The following PLXNA4 variants were observed in gnomAD, a reference collection of about 807,000 sequenced individuals.
PLXNA4 encodes the protein plexin-A4.
A neutral mutation model predicts 191.8 loss-of-function variants in PLXNA4; 44 were observed. That is an observed-to-expected ratio of 0.23 (90% CI 0.18 to 0.29). PLXNA4 has a LOEUF of 0.29. PLXNA4 is among the 10% of genes least tolerant of loss of function. The pLI, the probability that PLXNA4 is intolerant of heterozygous loss-of-function variation, is 1.00. For missense variants in PLXNA4, 1,800 were observed against 2,488.8 expected, an observed-to-expected ratio of 0.72 and a Z score of 5.89; for synonymous variants, 1,082 against 1,009.5, an observed-to-expected ratio of 1.07 and a Z score of -1.36.
intron 3 of PLXNA4, among the ~76,000 whole-genome samples, chr7:132,348,407 C>G (rs888015787): frequency 1.3e-5 from 2 of 152,220 alleles, no homozygotes; most frequent in African/African-American, 4.8e-5. Flanking sequence ...ACACAACCGA[C>G]AAATCCAACA....
chr7:132,607,405 C>G (rs1802947645), intron 2 of PLXNA4, among the ~76,000 whole-genome samples: 1 of 152,204 alleles, frequency 6.6e-6, no homozygotes, highest in Non-Finnish European at 1.5e-5. Context: ...TGGCACCTAG[C>G]TAGGAGCAGC....
rs1173177640 is a variant in PLXNA4 at position 132,123,764 on chromosome 7, C to T, written c.*6715G>A. 6.6e-6 allele frequency: 1 copy of T among 152,182 alleles called. No homozygotes were observed. Among genetic ancestry groups the T allele is most frequent in the East Asian group, 1.9e-4 (1 of 5,192 alleles). 9.4% of individuals were successfully genotyped at this position (152,182 alleles called of 1,614,324 possible). ...AGGGGGTGACTGGAACAGAGATAAC[C>T]TGCCCTACCTCCTTCAACGGCTTCT... On this transcript the variant is annotated 3_prime_UTR_variant, in exon 32 of 32. Transcript: ENST00000321063.
chr7:132,404,703 G>T (rs912404682), intron 3 of PLXNA4, among the ~76,000 whole-genome samples: 1 of 152,202 alleles, frequency 6.6e-6, no homozygotes, highest in African/African-American at 2.4e-5. Context: ...GTTAAAGGGG[G>T]TGATAGTAAC....
chr7:132,250,689 G>A (rs1799216881), intron 4 of PLXNA4, among the ~76,000 whole-genome samples: 1 of 152,188 alleles, frequency 6.6e-6, no homozygotes, highest in Middle Eastern at 3.2e-3. Context: ...CAACATGGAG[G>A]CCCAAAGGAA....
intron 1 of PLXNA4, among the ~76,000 whole-genome samples, chr7:132,562,365 CTG>C: frequency 2.3e-5 from 2 of 87,636 alleles, no homozygotes; most frequent in African/African-American, 3.6e-5. Flanking sequence ...TCCTCCTCCT[CTG>C]CCTCCTCCTC....
intron 1 of PLXNA4, among the ~76,000 whole-genome samples, chr7:132,558,726 A>G (rs1013224311): frequency 2.0e-5 from 3 of 152,332 alleles, no homozygotes; most frequent in Non-Finnish European, 4.4e-5. Flanking sequence ...CATCATGCAC[A>G]TGGCCAGTAC....
chr7:132,267,926 G>T (rs145667244), intron 4 of PLXNA4, among the ~76,000 whole-genome samples: 1 of 152,288 alleles, frequency 6.6e-6, no homozygotes, highest in East Asian at 1.9e-4. Context: ...TCTAATGCAC[G>T]CACTGCCACC....
At chr7:132,474,443 T>C (rs1474482402) in intron 3 of PLXNA4, among the ~76,000 whole-genome samples, 2 of 152,094 alleles carry the variant, frequency 1.3e-5, no homozygotes, top group African/African-American at 2.4e-5. Flanking sequence ...ACCTAAGCCT[T>C]GCAGAGCTGA....
At chr7:132,149,855 C>A (rs1468676826) in intron 25 of PLXNA4, among the ~76,000 whole-genome samples, 3 of 152,318 alleles carry the variant, frequency 2.0e-5, no homozygotes, top group African/African-American at 7.2e-5. Flanking sequence ...GGTCCATGAC[C>A]AGCCACATTT....
At chr7:132,407,654 G>A (rs986026323) in intron 3 of PLXNA4, among the ~76,000 whole-genome samples, 2 of 152,116 alleles carry the variant, frequency 1.3e-5, no homozygotes, top group African/African-American at 4.8e-5. Context: ...CTGGTGTGGA[G>A]GGTGGGCATC....
intron 3 of PLXNA4, among the ~76,000 whole-genome samples, chr7:132,337,858 C>T (rs1198575972): frequency 1.3e-5 from 2 of 152,176 alleles, no homozygotes; most frequent in African/African-American, 4.8e-5. Context: ...AAAGCCACTC[C>T]CAGTAGCTGG....
chr7:132,597,905 G>T (rs1203744782), intron 2 of PLXNA4, among the ~76,000 whole-genome samples: 8 of 146,222 alleles, frequency 5.5e-5, no homozygotes, highest in African/African-American at 1.5e-4. Context: ...CTTCTCAATA[G>T]CACTCCATCG....
intron 9 of PLXNA4, among the ~76,000 whole-genome samples, chr7:132,217,112 C>A (rs1797987933): frequency 6.6e-6 from 1 of 152,300 alleles, no homozygotes; most frequent in South Asian, 2.1e-4. Flanking sequence ...CCAGCGAGCT[C>A]CAGGTCAACT....
intron 5 of PLXNA4, among the ~76,000 whole-genome samples, chr7:132,239,549 A>G (rs1798810997): frequency 6.6e-6 from 1 of 152,186 alleles, no homozygotes; most frequent in Non-Finnish European, 1.5e-5. Context: ...CCCCCAAGTA[A>G]GGCAATGAGT....
intron 2 of PLXNA4, among the ~76,000 whole-genome samples, chr7:132,582,989 T>C (rs914420182): frequency 2.0e-5 from 3 of 152,182 alleles, no homozygotes; most frequent in African/African-American, 7.2e-5. Context: ...TACATCTCAG[T>C]GTGTTACACA....
chr7:132,332,166 T>C (rs192170300), intron 3 of PLXNA4, among the ~76,000 whole-genome samples: 11 of 151,958 alleles, frequency 7.2e-5, no homozygotes, highest in Non-Finnish European at 1.6e-4. Context: ...GTGAAGGGAG[T>C]GGAAGGAACC....
intron 3 of PLXNA4, among the ~76,000 whole-genome samples, chr7:132,345,030 G>A (rs1194272745): frequency 6.6e-6 from 1 of 152,206 alleles, no homozygotes; most frequent in African/African-American, 2.4e-5. Flanking sequence ...GCCAGCATTG[G>A]TAGATGTCGG....
intron 2 of PLXNA4, among the ~76,000 whole-genome samples, chr7:132,586,264 G>A (rs1393390531): frequency 1.3e-5 from 2 of 152,186 alleles, no homozygotes; most frequent in African/African-American, 4.8e-5. Context: ...ATGGTCATCA[G>A]ATTTGTCTAT....
At chr7:132,397,306 C>T (rs1029506118) in intron 3 of PLXNA4, among the ~76,000 whole-genome samples, 14 of 152,240 alleles carry the variant, frequency 9.2e-5, no homozygotes, top group Admixed American at 7.2e-4. Flanking sequence ...AAAGCACCAC[C>T]GTCACTCGAG....
Sources: allele counts gnomAD v4.1 joint callset (sites outside exome capture counted in the v4.1 genomes callset), GRCh38; gene constraint gnomAD v4.1.1; transcripts MANE v1.5; gene names NCBI Gene and HGNC (gene_info 2026-07-23, HGNC 2026-07-21).